ZNF132: variants seen among roughly 807,000 people sequenced by gnomAD.
The protein encoded by ZNF132 is zinc finger protein 132.
A neutral mutation model predicts 9.3 loss-of-function variants in ZNF132; 6 were observed. The observed-to-expected ratio is 0.65, with a 90% CI of 0.35 to 1.28. ZNF132 has a LOEUF of 1.28. ZNF132 is among the 50% of genes most tolerant of loss of function. The pLI is 0.03. For synonymous variants in ZNF132, 296 were observed against 292.0 expected, an observed-to-expected ratio of 1.01 and a Z score of -0.14; for missense variants, 877 against 843.2, an observed-to-expected ratio of 1.04 and a Z score of -0.50.
At chr19:58,435,256 G>A in intron 2 of ZNF132, 45 bp from the exon 3 acceptor site, 1 of 1,569,430 alleles carries the variant, frequency 6.4e-7, no homozygotes, top group South Asian at 1.2e-5. Flanking sequence ...CCACTTGGTG[G>A]GAATGGTTGA....
intron 1 of ZNF132, 22 bp from the exon 2 acceptor site, chr19:58,437,237 G>A (rs1467874292): frequency 6.4e-7 from 1 of 1,567,812 alleles, no homozygotes; most frequent in Non-Finnish European, 8.6e-7. Flanking sequence ...ACAAACAATT[G>A]GTCAAATGGA....
chr19:58,436,997 A>G (rs991131610), intron 2 of ZNF132, 50 bp downstream of exon 2: 1 of 1,613,140 alleles, frequency 6.2e-7, no homozygotes, highest in African/African-American at 1.3e-5. Context: ...TCTATGGGGA[A>G]AAGACACAAG....
chr19:58,438,134 G>A (rs2052782931), intron 1 of ZNF132, among the ~76,000 whole-genome samples: 1 of 152,168 alleles, frequency 6.6e-6, no homozygotes, highest in South Asian at 2.1e-4. Flanking sequence ...GAGCTGTAGA[G>A]AAGCAAATCA....
At position 58,439,756 on chromosome 19, in the gene ZNF132, T is replaced by C. The variant is rs7259841; in HGVS notation, c.63+3A>G. The C allele has an allele frequency of 0.49, 750,208 of 1,535,222 alleles. 187,838 individuals are homozygous for C. Among genetic ancestry groups the C allele is most frequent in the African/African-American group, 0.77 (55,410 of 71,786 alleles). The stretch of plus-strand genomic sequence containing the variant: ...GTGAGGGCCTGGGGCACACTCCACT[T>C]ACCTGCGCCGGGCCCATCAGCAACG... On this transcript the variant is annotated splice_donor_region_variant and intron_variant, in intron 1 of 2. Transcript: ENST00000254166.
In ZNF132 at chr19:58,433,359, A is replaced by G. The variant is rs2052753124; in HGVS notation, c.2085T>C (p.Leu695=). 5 of 1,614,208 alleles carry G rather than the reference A, an allele frequency of 3.1e-6. No individual in the cohort carries two copies. The highest frequency in any genetic ancestry group is 4.2e-6 in the Non-Finnish European group (5 of 1,180,032). ...CSQCGKLFSH[L]CNLAQHKKIH... is the part of the protein sequence containing the mutation. ...TCTTTTTATGCTGTGCAAGGTTACAAAGATGGCTGAAGAGTTTCCCACACT... is the reference window on the plus strand; with the variant it reads ...TCTTTTTATGCTGTGCAAGGTTACAGAGATGGCTGAAGAGTTTCCCACACT... Residue 695 remains leucine (L), a synonymous_variant, in exon 3 of 3, where the codon CTT becomes CTC. Coordinates refer to ENST00000254166, the MANE Select transcript of ZNF132 (RefSeq NM_003433.4).
chr19:58,435,022 G>T lies in ZNF132; in HGVS notation c.422C>A (p.Pro141His). The change falls in exon 3 of 3, where the codon CCC becomes CAC. Residue 141 changes from proline to histidine, a missense_variant. By Grantham distance (77) the Pro-to-His change is moderately conservative. Transcript: ENST00000254166. Reference sequence around the variant, plus strand: ...TCTCCCACATGCTCCACATGTGTAGGGTTTCTCCTCAGACTGTGTTCCCTG... The same window carrying T: ...TCTCCCACATGCTCCACATGTGTAGTGTTTCTCCTCAGACTGTGTTCCCTG... Reference protein sequence around the residue: ...EHQGTQSEEKPYTCGACGRDF... With the variant: ...EHQGTQSEEKHYTCGACGRDF... The T allele has an allele frequency of 1.2e-6, 2 of 1,614,088 alleles. No homozygotes were observed. The highest frequency in any genetic ancestry group is 1.7e-6 in the Non-Finnish European group (2 of 1,180,024).
rs774867118 is a variant in ZNF132 at position 58,433,593 on chromosome 19, G to T, written c.1851C>A (p.His617Gln). The change falls in exon 3 of 3, where the codon CAC (histidine) becomes CAA (glutamine). Residue 617 changes from histidine (H) to glutamine (Q), a missense_variant. Physicochemically the swap from His to Gln is conservative, Grantham distance 24. Transcript: ENST00000254166. ...FFSRKSSLIC[H>Q]WRVHTGERPY... ...GCCTTTCTCCAGTGTGAACTCTCCAGTGACAAATAAGGCTGGATTTTCGGC... is the reference window on the plus strand; with the variant it reads ...GCCTTTCTCCAGTGTGAACTCTCCATTGACAAATAAGGCTGGATTTTCGGC... 6.2e-7 allele frequency: 1 copy of T among 1,613,952 alleles called. No individual in the cohort carries two copies. The highest frequency in any genetic ancestry group is 8.5e-7 in the Non-Finnish European group (1 of 1,179,962).
chr19:58,434,821 A>G lies in ZNF132; in HGVS notation c.623T>C (p.Leu208Pro), dbSNP rs767156488. 1 of 1,614,186 alleles carries G rather than the reference A, an allele frequency of 6.2e-7. No homozygotes were observed. Among genetic ancestry groups the G allele is most frequent in the South Asian group, 1.1e-5 (1 of 91,074 alleles). The change falls in exon 3 of 3, where the codon CTC (leucine) becomes CCC (proline). Residue 208 changes from leucine (L) to proline (P), a missense_variant. Coordinates refer to ENST00000254166, the MANE Select transcript of ZNF132 (RefSeq NM_003433.4). ...GKVILGSCDL[L>P]QLQAVDSGQK... ...CCCACTGTCAACAGCTTGAAGCTGG[A>G]GGAGGTCACAGCTGCCCAGGATGAC...
At chr19:58,438,552 C>A (rs2052785309) in intron 1 of ZNF132, among the ~76,000 whole-genome samples, 1 of 149,464 alleles carries the variant, frequency 6.7e-6, no homozygotes. Context: ...TGGCTCACTG[C>A]AAGCTCCGCC....
chr19:58,434,433 A>T lies in ZNF132; in HGVS notation c.1011T>A (p.His337Gln). 6.2e-7 allele frequency: 1 copy of T among 1,614,254 alleles called. No homozygotes were observed. The highest frequency in any genetic ancestry group is 8.5e-7 in the Non-Finnish European group (1 of 1,180,034). Reference protein sequence around the residue: ...TFNHKLTFVHHQRIHSGERPY... With the variant: ...TFNHKLTFVHQQRIHSGERPY... The stretch of plus-strand genomic sequence containing the variant: ...GTCTTTCTCCTGAGTGAATTCTCTG[A>T]TGATGAACAAATGTGAGTTTGTGGT... The change falls in exon 3 of 3, where the codon CAT (histidine) becomes CAA (glutamine). Residue 337 changes from histidine (H) to glutamine (Q), a missense_variant. Coordinates refer to ENST00000254166, the MANE Select transcript of ZNF132 (RefSeq NM_003433.4).
In ZNF132 at chr19:58,432,893, C is replaced by G. The variant is rs1040756363; in HGVS notation, c.*430G>C. ...ATTCCAGTGGAGGGTGATTTGTGGC[C>G]TCAATGGACACATCTTAGGGGTTAA... On this transcript the variant is annotated 3_prime_UTR_variant, in exon 3 of 3. Coordinates refer to ENST00000254166, the MANE Select transcript of ZNF132 (RefSeq NM_003433.4). 5.7e-6 allele frequency: 1 copy of G among 174,836 alleles called. No individual in the cohort carries two copies. Among genetic ancestry groups the G allele is most frequent in the Non-Finnish European group, 1.2e-5 (1 of 80,948 alleles). The allele number at this position is 174,836 out of a possible 1,614,324, so 10.8% of individuals were successfully genotyped here.
intron 2 of ZNF132, chr19:58,436,271 A>G (rs1165758247): frequency 6.5e-6 from 1 of 154,264 alleles, no homozygotes; most frequent in East Asian, 1.9e-4. Flanking sequence ...AAATTACATT[A>G]TAGCAATGAT....
At chr19:58,439,215 GACC>G (rs1351848961) in intron 1 of ZNF132, among the ~76,000 whole-genome samples, 1 of 152,092 alleles carries the variant, frequency 6.6e-6, no homozygotes, top group Non-Finnish European at 1.5e-5. Flanking sequence ...CACACATCTG[GACC>G]ACATCTGTCA....
At chr19:58,438,976 GTTGGCCAGGCTGGTC>G (rs978358386) in intron 1 of ZNF132, among the ~76,000 whole-genome samples, 11 of 152,028 alleles carry the variant, frequency 7.2e-5, no homozygotes, top group African/African-American at 2.7e-4. Flanking sequence ...GTTTCGCCAC[GTTGGCCAGGCTGGTC>G]TTGAACTCCT....
chr19:58,433,956 G>C lies in ZNF132; in HGVS notation c.1488C>G (p.Phe496Leu). Residue 496 changes from phenylalanine to leucine, a missense_variant, in exon 3 of 3, where the codon TTC becomes TTG. By Grantham distance (22) the Phe-to-Leu change is conservative. Transcript: ENST00000254166. ...PFECCDCGKA[F>L]SNSSTLIQHQ... ...GCTGGATGAGGGTGGAGCTATTACT[G>C]AAGGCTTTACCACAATCACAGCATT... The C allele has an allele frequency of 6.2e-7, 1 of 1,614,004 alleles. No homozygotes were observed.
chr19:58,437,184 G>A lies in ZNF132; in HGVS notation c.95C>T (p.Pro32Leu). The A allele has an allele frequency of 6.2e-7, 1 of 1,610,348 alleles. No individual in the cohort carries two copies. Among genetic ancestry groups the A allele is most frequent in the Non-Finnish European group, 8.5e-7 (1 of 1,178,436 alleles). ...HTSWPCGSAVPTLKSMVTFED... is the reference protein window; with the variant it reads ...HTSWPCGSAVLTLKSMVTFED... ...AAAGGTTACCATGCTCTTCAATGTG[G>A]GGACAGCTGAGCCACAGGGCCAAGA... is the stretch of plus-strand genomic sequence containing the variant. Residue 32 changes from proline (P) to leucine (L), a missense_variant, in exon 2 of 3, where the codon CCC (proline) becomes CTC (leucine). Coordinates refer to ENST00000254166, the MANE Select transcript of ZNF132 (RefSeq NM_003433.4).
rs2052762608 is a variant in ZNF132 at position 58,434,684 on chromosome 19, G to A, written c.760C>T (p.His254Tyr). 6.2e-7 allele frequency: 1 copy of A among 1,614,216 alleles called. No homozygotes were observed. Among genetic ancestry groups the A allele is most frequent in the Non-Finnish European group, 8.5e-7 (1 of 1,180,042 alleles). ...AFLKSSTLPN[H>Y]LRTHSEEIPF... ...ATCTCTTCAGAGTGAGTTCTCAGATGGTTGGGGAGAGTGGAGCTCTTCAGG... is the reference window on the plus strand; with the variant it reads ...ATCTCTTCAGAGTGAGTTCTCAGATAGTTGGGGAGAGTGGAGCTCTTCAGG... The change falls in exon 3 of 3, where the codon CAT (histidine) becomes TAT (tyrosine). Residue 254 changes from histidine to tyrosine, a missense_variant. Physicochemically the swap from His to Tyr is moderately conservative, Grantham distance 83 (BLOSUM62 2). Transcript: ENST00000254166.
rs142659052 is a variant in ZNF132 at position 58,435,166 on chromosome 19, T to G, written c.278A>C (p.Asn93Thr). Reference sequence around the variant, plus strand: ...GACCTGTAACACTTCTACAGAAACATTCTGCTTGGGATGGGCCCCCTCACC... The same window carrying G: ...GACCTGTAACACTTCTACAGAAACAGTCTGCTTGGGATGGGCCCCCTCACC... ...VEGEGAHPKQ[N>T]VSVEVLQVRI... is the part of the protein sequence containing the mutation. The change falls in exon 3 of 3, where the codon AAT becomes ACT. Residue 93 changes from asparagine to threonine, a missense_variant. By Grantham distance (65) the Asn-to-Thr change is moderately conservative. Transcript: ENST00000254166. 60 of 1,614,020 alleles carry G rather than the reference T, an allele frequency of 3.7e-5. No homozygotes were observed. In the African/African-American group the frequency reaches 6.9e-4, roughly 19 times the overall value.
rs147275148 is a variant in ZNF132 at position 58,433,721 on chromosome 19, C to T, written c.1723G>A (p.Glu575Lys). ...TTTTGGCTAAAGAATTTCCCACATT[C>T]ATTGCACTCATAAGGCCTTTCTTTT... ...HTKERPYECN[E>K]CGKFFSQNSI... The change falls in exon 3 of 3, where the codon GAA becomes AAA. Residue 575 changes from glutamate (E) to lysine (K), a missense_variant. Glu to Lys is a moderately conservative substitution (Grantham distance 56). Transcript: ENST00000254166. The T allele has an allele frequency of 1.2e-6, 2 of 1,612,298 alleles. No individual in the cohort carries two copies. Among genetic ancestry groups the T allele is most frequent in the African/African-American group, 1.3e-5 (1 of 74,886 alleles).
Sources: gnomAD v4.1 joint callset for allele counts (sites outside exome capture counted in the v4.1 genomes callset) on GRCh38, gnomAD v4.1.1 for gene constraint, MANE v1.5 for transcripts, NCBI Gene and HGNC (gene_info 2026-07-23, HGNC 2026-07-21) for gene names.